OPCML: variants seen among roughly 807,000 people sequenced by gnomAD.
The protein encoded by OPCML is opioid-binding protein/cell adhesion molecule.
OPCML carries 13 observed loss-of-function variants against 37.8 expected under a neutral mutation model. That is an observed-to-expected ratio of 0.34 (90% CI 0.22 to 0.55). OPCML has a LOEUF of 0.55. Ranked by LOEUF, OPCML falls within the 20% of genes least tolerant of loss-of-function variation. OPCML has a pLI of 0.91. For missense variants in OPCML, 341 were observed against 435.6 expected, an observed-to-expected ratio of 0.78 and a Z score of 1.93; for synonymous variants, 176 against 168.8, an observed-to-expected ratio of 1.04 and a Z score of -0.33.
chr11:133,221,196 G>A (rs571108916), intron 1 of OPCML, among the ~76,000 whole-genome samples: 66 of 152,248 alleles, frequency 4.3e-4, no homozygotes, highest in African/African-American at 1.0e-3. Context: ...GGACAGAGCC[G>A]GCCACCGTGT....
intron 1 of OPCML, among the ~76,000 whole-genome samples, chr11:133,371,059 A>G (rs374105112): frequency 2.6e-5 from 4 of 152,340 alleles, no homozygotes; most frequent in African/African-American, 4.8e-5. Flanking sequence ...ACCAACAGGT[A>G]TGTGAAAAAA....
chr11:133,264,785 T>C (rs983387533), intron 1 of OPCML, among the ~76,000 whole-genome samples: 14 of 151,456 alleles, frequency 9.2e-5, no homozygotes, highest in African/African-American at 3.2e-4. Flanking sequence ...AAAAAGTACG[T>C]GGTTATACAT....
chr11:132,876,455 C>T (rs543501359), intron 2 of OPCML, among the ~76,000 whole-genome samples: 4 of 152,284 alleles, frequency 2.6e-5, no homozygotes, highest in Non-Finnish European at 5.9e-5. Context: ...AAATAAATAG[C>T]TCTGAATGGC....
chr11:133,389,497 G>A (rs1201458594), intron 1 of OPCML, among the ~76,000 whole-genome samples: 1 of 152,124 alleles, frequency 6.6e-6, no homozygotes, highest in Non-Finnish European at 1.5e-5. Context: ...TATCGTGTGA[G>A]ATTTTTATTA....
intron 1 of OPCML, among the ~76,000 whole-genome samples, chr11:133,326,857 A>G (rs1179352078): frequency 1.1e-5 from 1 of 90,200 alleles, no homozygotes; most frequent in Non-Finnish European, 2.1e-5. Flanking sequence ...TATATTGTGT[A>G]GTGACGTGTG....
chr11:133,334,755 G>GAGAGCCA (rs1943705542), intron 1 of OPCML, among the ~76,000 whole-genome samples: 1 of 152,220 alleles, frequency 6.6e-6, no homozygotes, highest in Admixed American at 6.5e-5. Flanking sequence ...ACCAGTGAGT[G>GAGAGCCA]AGAGCCAAGA....
intron 2 of OPCML, among the ~76,000 whole-genome samples, chr11:132,791,441 A>G (rs540839328): frequency 1.3e-5 from 2 of 152,300 alleles, no homozygotes; most frequent in South Asian, 4.1e-4. Flanking sequence ...AACAAGAACT[A>G]TCAGACCCCT....
At chr11:132,479,447 A>G (rs984568007) in intron 4 of OPCML, among the ~76,000 whole-genome samples, 29 of 152,320 alleles carry the variant, frequency 1.9e-4, no homozygotes, top group East Asian at 1.2e-3. Context: ...GAGGCTGGGG[A>G]AGGGGCGCCC....
chr11:132,484,166 C>T (rs188021032), intron 4 of OPCML, among the ~76,000 whole-genome samples: 1,847 of 152,158 alleles, frequency 0.012, 43 homozygotes, highest in African/African-American at 0.042. Context: ...GCAACCTACT[C>T]ATCTGACAAA....
intron 2 of OPCML, among the ~76,000 whole-genome samples, chr11:132,820,118 G>A (rs1939894671): frequency 6.6e-6 from 1 of 151,938 alleles, no homozygotes; most frequent in African/African-American, 2.4e-5. Context: ...AAACCAGAAA[G>A]GAAGAAAAGA....
chr11:132,597,743 G>A (rs2096494679), intron 3 of OPCML, among the ~76,000 whole-genome samples: 1 of 152,184 alleles, frequency 6.6e-6, no homozygotes, highest in African/African-American at 2.4e-5. Flanking sequence ...CTTCACAGCT[G>A]CAGAATTTTT....
intron 1 of OPCML, among the ~76,000 whole-genome samples, chr11:133,503,351 G>A (rs899305709): frequency 2.6e-5 from 4 of 152,022 alleles, no homozygotes; most frequent in African/African-American, 9.7e-5. Flanking sequence ...AAACATGCAG[G>A]GTCAGCGGAG....
At chr11:132,750,242 C>A (rs889340389) in intron 2 of OPCML, among the ~76,000 whole-genome samples, 2 of 152,072 alleles carry the variant, frequency 1.3e-5, no homozygotes. Flanking sequence ...CTTATATTTT[C>A]TAAAATTTAT....
intron 1 of OPCML, among the ~76,000 whole-genome samples, chr11:133,237,455 C>G (rs1940563662): frequency 2.0e-5 from 3 of 152,108 alleles, no homozygotes; most frequent in Admixed American, 2.0e-4. Flanking sequence ...ACAGTTAACA[C>G]AGTATGTGTG....
intron 4 of OPCML, among the ~76,000 whole-genome samples, chr11:132,486,967 G>C (rs1256459666): frequency 3.9e-5 from 6 of 152,102 alleles, no homozygotes; most frequent in African/African-American, 1.4e-4. Context: ...CATATTATTG[G>C]TACTTAGTAA....
chr11:133,384,778 G>A (rs549814092), intron 1 of OPCML, among the ~76,000 whole-genome samples: 4 of 152,308 alleles, frequency 2.6e-5, no homozygotes, highest in South Asian at 2.1e-4. Context: ...CATAGCCCTC[G>A]CCAAAGCCCC....
intron 1 of OPCML, among the ~76,000 whole-genome samples, chr11:133,346,468 A>G (rs1007040436): frequency 6.6e-6 from 1 of 152,224 alleles, no homozygotes; most frequent in Admixed American, 6.5e-5. Context: ...CTAGGGGACT[A>G]CAGAAGAATA....
At chr11:132,721,278 G>A (rs1274482412) in intron 2 of OPCML, among the ~76,000 whole-genome samples, 2 of 152,206 alleles carry the variant, frequency 1.3e-5, no homozygotes, top group African/African-American at 4.8e-5. Flanking sequence ...TGCATGCTGA[G>A]GGGAGTTGGG....
intron 2 of OPCML, among the ~76,000 whole-genome samples, chr11:132,754,156 G>T (rs1225879276): frequency 6.6e-6 from 1 of 152,158 alleles, no homozygotes. Context: ...GCCTCCAACA[G>T]TAAGAGGTGT....
Sources: gnomAD v4.1 joint callset for allele counts (sites outside exome capture counted in the v4.1 genomes callset) on GRCh38, gnomAD v4.1.1 for gene constraint, MANE v1.5 for transcripts, NCBI Gene and HGNC (gene_info 2026-07-23, HGNC 2026-07-21) for gene names.